The following MLLT10 variants were observed in gnomAD, a reference collection of about 807,000 sequenced individuals.
MLLT10 encodes protein AF-10.
MLLT10 carries 30 observed loss-of-function variants against 129.1 expected under a neutral mutation model. That is an observed-to-expected ratio of 0.23 (90% CI 0.17 to 0.32). The LOEUF (loss-of-function observed/expected upper bound fraction) is 0.32, where lower values mean the gene tolerates loss of function less well. MLLT10 is among the 10% of genes least tolerant of loss of function. MLLT10 has a pLI of 1.00. For synonymous variants in MLLT10, 490 were observed against 446.4 expected (o/e 1.10, Z -1.23); for missense variants, 1,119 against 1,268.3 (o/e 0.88, Z 1.79).
chr10:21,691,371 C>T (rs1468975862), intron 13 of MLLT10, among the ~76,000 whole-genome samples: 3 of 152,086 alleles, frequency 2.0e-5, no homozygotes, highest in South Asian at 2.1e-4. Context: ...TTGATATATA[C>T]ATATGGATAT....
At chr10:21,639,608 C>T (rs145990193) in intron 8 of MLLT10, among the ~76,000 whole-genome samples, 2 of 152,226 alleles carry the variant, frequency 1.3e-5, no homozygotes, top group African/African-American at 4.8e-5. Context: ...ACCGAGTTCA[C>T]TGGACAGGCA....
At chr10:21,617,576 A>G (rs1015732310) in intron 8 of MLLT10, among the ~76,000 whole-genome samples, 2 of 152,112 alleles carry the variant, frequency 1.3e-5, no homozygotes, top group African/African-American at 2.4e-5. Flanking sequence ...TTATAATAGA[A>G]CAATTTTGAA....
At chr10:21,600,099 T>A (rs1179760287) in intron 5 of MLLT10, among the ~76,000 whole-genome samples, 1 of 152,234 alleles carries the variant, frequency 6.6e-6, no homozygotes, top group Admixed American at 6.5e-5. Context: ...GAATCATTAC[T>A]AAATTATTGA....
In MLLT10 at chr10:21,655,215, T is replaced by A. The variant is rs187918042; in HGVS notation, c.795+3447T>A. Among the ~76,000 whole-genome samples, 3 of 152,236 alleles carry A rather than the reference T, an allele frequency of 2.0e-5. No individual in the cohort carries two copies. In the East Asian group the frequency reaches 5.8e-4, roughly 29 times the overall value. ...AGAGAGACTGGAGGTTATAAAAGAT[T>A]GTCTAGATGTATACTGAATTCTCTA... On this transcript the variant is annotated intron_variant, in intron 9 of 22. Coordinates refer to ENST00000307729, the MANE Select transcript of MLLT10 (RefSeq NM_001195626.3).
intron 9 of MLLT10, among the ~76,000 whole-genome samples, chr10:21,658,873 A>G (rs2049883767): frequency 6.6e-6 from 1 of 152,078 alleles, no homozygotes; most frequent in Non-Finnish European, 1.5e-5. Context: ...TCGCCGTGTT[A>G]GCTAGGATGG....
chr10:21,617,206 A>C lies in MLLT10; in HGVS notation c.698A>C (p.Lys233Thr), dbSNP rs146946726. The change falls in exon 8 of 23, where the codon AAA (lysine) becomes ACA (threonine). Residue 233 changes from lysine (K) to threonine (T), a missense_variant and splice_region_variant. Lys to Thr is a moderately conservative substitution (Grantham distance 78). Transcript: ENST00000307729. ...SQDKHHEKEK[K>T]KYKEKDKHKQ... ...GATAAACATCATGAGAAAGAGAAAA[A>C]AGTAAGTGGATTTGTTGTTGCTAAA... 2.0e-6 allele frequency: 3 copies of C among 1,498,510 alleles called. No individual in the cohort carries two copies. The highest frequency in any genetic ancestry group is 2.9e-5 in the South Asian group (2 of 69,146). 92.8% of individuals were successfully genotyped at this position (1,498,510 alleles called of 1,614,324 possible). A position where few individuals can be genotyped will look rare whatever the true frequency, so the allele number is the denominator to read the frequency against.
chr10:21,731,632 TAATA>T (rs1299559309), intron 17 of MLLT10, among the ~76,000 whole-genome samples: 1 of 152,188 alleles, frequency 6.6e-6, no homozygotes, highest in African/African-American at 2.4e-5. Flanking sequence ...GGAGGAAGAA[TAATA>T]ATTATTGAAT....
At chr10:21,614,682 C>G (rs1012425628) in intron 6 of MLLT10, 149 bp from the exon 7 acceptor site, 16 of 594,792 alleles carry the variant, frequency 2.7e-5, no homozygotes, top group African/African-American at 2.3e-4. Context: ...TTGGTCACAG[C>G]TAGAATAAAG....
At chr10:21,557,209 C>A in intron 3 of MLLT10, 1 of 1,220,006 alleles carries the variant, frequency 8.2e-7, no homozygotes, top group Non-Finnish European at 1.0e-6. Flanking sequence ...TGTTATTTTT[C>A]CCCTTGTGCT....
intron 3 of MLLT10, among the ~76,000 whole-genome samples, chr10:21,541,734 G>A (rs1198015631): frequency 1.3e-5 from 2 of 152,086 alleles, no homozygotes; most frequent in Non-Finnish European, 2.9e-5. Context: ...GCCTCGTCTG[G>A]AATTCCTGAG....
intron 20 of MLLT10, 91 bp downstream of exon 20, chr10:21,734,220 T>C (rs1215658725): frequency 6.9e-7 from 1 of 1,456,040 alleles, no homozygotes; most frequent in Admixed American, 2.3e-5. Flanking sequence ...TGTGTTCCTT[T>C]GTAGATACAC....
At chr10:21,626,353 A>G (rs544687528) in intron 8 of MLLT10, 26 of 715,940 alleles carry the variant, frequency 3.6e-5, no homozygotes, top group Middle Eastern at 3.9e-4. Context: ...AAATGACTAG[A>G]AATCTCGCAC....
At chr10:21,668,788 G>A in intron 9 of MLLT10, 1 of 385,694 alleles carries the variant, frequency 2.6e-6, no homozygotes, top group Non-Finnish European at 3.5e-6. Context: ...TCATGTGGAA[G>A]TGAATAGCGT....
intron 13 of MLLT10, among the ~76,000 whole-genome samples, chr10:21,694,616 T>C (rs889845911): frequency 6.6e-5 from 10 of 152,248 alleles, no homozygotes; most frequent in African/African-American, 1.9e-4. Flanking sequence ...GGTTAGCCAG[T>C]GGGAGCCCCT....
chr10:21,742,020 TTC>T lies in MLLT10; in HGVS notation c.*39_*40del, dbSNP rs1833740761. ...CATCTAGAAATTGCCTATCCTGCTG[TTC>T]TAGCACTTCATCTGGCTGCCTTTGC... On this transcript the variant is annotated 3_prime_UTR_variant, in exon 23 of 23. Coordinates refer to ENST00000307729, the MANE Select transcript of MLLT10 (RefSeq NM_001195626.3). 1 of 1,599,702 alleles carries T rather than the reference TTC, an allele frequency of 6.3e-7. No homozygotes were observed. Among genetic ancestry groups the T allele is most frequent in the Non-Finnish European group, 8.5e-7 (1 of 1,171,620 alleles).
At chr10:21,590,155 C>T (rs9971210) in intron 4 of MLLT10, among the ~76,000 whole-genome samples, 1 of 151,748 alleles carries the variant, frequency 6.6e-6, no homozygotes, top group African/African-American at 2.4e-5. Context: ...TGCCGAGGGT[C>T]GTCTCGAACA....
intron 3 of MLLT10, among the ~76,000 whole-genome samples, chr10:21,553,722 T>G (rs1448323352): frequency 6.6e-6 from 1 of 151,396 alleles, no homozygotes; most frequent in Non-Finnish European, 1.5e-5. Flanking sequence ...TGATCTTGGC[T>G]CACTGCAAAC....
intron 8 of MLLT10, among the ~76,000 whole-genome samples, chr10:21,642,534 GT>G (rs2048111497): frequency 6.6e-6 from 1 of 151,556 alleles, no homozygotes; most frequent in African/African-American, 2.4e-5. Flanking sequence ...GCACATGCCG[GT>G]AATCCCAGGT....
In MLLT10 at chr10:21,554,574, C is replaced by G. The variant is rs2037610196; in HGVS notation, c.240+15662C>G. 2.6e-5 allele frequency among the ~76,000 whole-genome samples: 4 copies of G among 151,922 alleles called. No individual in the cohort carries two copies. The South Asian group carries it at 8.3e-4, about 32-fold the overall frequency. Reference sequence around the variant, plus strand: ...GTTCAAGTGATTCCCCTGCCTCAGCCTACCAGGTAGCTGGGATTACAGACA... The same window carrying G: ...GTTCAAGTGATTCCCCTGCCTCAGCGTACCAGGTAGCTGGGATTACAGACA... On this transcript the variant is annotated intron_variant, in intron 3 of 22. Transcript: ENST00000307729.
Sources: gnomAD v4.1 joint callset for allele counts (sites outside exome capture counted in the v4.1 genomes callset) on GRCh38, gnomAD v4.1.1 for gene constraint, MANE v1.5 for transcripts, NCBI Gene and HGNC (gene_info 2026-07-23, HGNC 2026-07-21) for gene names.